ATAD3B: variants seen among roughly 807,000 people sequenced by gnomAD.
The protein encoded by ATAD3B is ATPase family AAA domain containing 3B.
In ATAD3B, 59 loss-of-function variants were observed where a neutral mutation model predicts 70.2. That is an observed-to-expected ratio of 0.84 (90% CI 0.68 to 1.04). ATAD3B has a LOEUF of 1.04. ATAD3B is among the 50% of genes least tolerant of loss of function. The probability of loss-of-function intolerance (pLI) is 0.00; values close to 1 mark genes in which losing one functional copy is unlikely to be tolerated. For missense variants in ATAD3B, 961 were observed against 913.4 expected (o/e 1.05, Z -0.67); for synonymous variants, 423 against 388.6 (o/e 1.09, Z -1.04).
At chr1:1,489,591 C>T (rs1570263793) in intron 13 of ATAD3B, 2 of 1,175,674 alleles carry the variant, frequency 1.7e-6, no homozygotes, top group East Asian at 3.6e-5. Flanking sequence ...ATTGCTGCCG[C>T]CCAGAGGTCC....
rs748583461 is a variant in ATAD3B at position 1,495,552 on chromosome 1, C to G, written c.1682C>G (p.Ala561Gly). 1 of 1,613,008 alleles carries G rather than the reference C, an allele frequency of 6.2e-7. No individual in the cohort carries two copies. Among genetic ancestry groups the G allele is most frequent in the African/African-American group, 1.3e-5 (1 of 74,924 alleles). The change falls in exon 16 of 16, where the codon GCT (alanine) becomes GGT (glycine). Residue 561 changes from alanine (A) to glycine (G), a missense_variant. Transcript: ENST00000673477. ...EAMMDACVQD[A>G]VQQYRQKMRW... The stretch of plus-strand genomic sequence containing the variant: ...ATGATGGACGCCTGTGTGCAAGATG[C>G]TGTCCAGCAGTACCGACAGAAGATG...
chr1:1,508,947 CG>C, the ATAD3B span, among the ~76,000 whole-genome samples: 2 of 151,122 alleles, frequency 1.3e-5, no homozygotes, highest in Non-Finnish European at 2.9e-5. Flanking sequence ...AGTGAGGCTC[CG>C]CCTTGGGCTT....
At chr1:1,472,764 G>A (rs1057255783) in intron 1 of ATAD3B, among the ~76,000 whole-genome samples, 1 of 152,022 alleles carries the variant, frequency 6.6e-6, no homozygotes, top group African/African-American at 2.4e-5. Flanking sequence ...TAGGAGTCTG[G>A]AACGTAGAAG....
downstream of ATAD3B, among the ~76,000 whole-genome samples, chr1:1,498,151 A>G (rs1052406200): frequency 6.6e-6 from 1 of 151,538 alleles, no homozygotes; most frequent in Non-Finnish European, 1.5e-5. Flanking sequence ...TAAAAATACG[A>G]AAGTTAGCCG....
chr1:1,486,938 C>T (rs1404882432), intron 11 of ATAD3B, among the ~76,000 whole-genome samples: 1 of 151,018 alleles, frequency 6.6e-6, no homozygotes, highest in Admixed American at 6.6e-5. Context: ...GGAGAGGGGT[C>T]TTCACAGCTG....
intron 10 of ATAD3B, 30 bp downstream of exon 10, chr1:1,486,265 A>G (rs770740944): frequency 1.2e-6 from 2 of 1,611,990 alleles, no homozygotes; most frequent in East Asian, 4.5e-5. Flanking sequence ...CAGGTGGGCC[A>G]GGGGCCGCTG....
At chr1:1,500,424 C>T (rs775110658), downstream of ATAD3B, among the ~76,000 whole-genome samples, 100 of 147,652 alleles carry the variant, frequency 6.8e-4, no homozygotes, top group East Asian at 2.1e-3. Flanking sequence ...TGGTGGCGGG[C>T]ACCTGTAGTC....
At position 1,485,046 on chromosome 1, in the gene ATAD3B, G is replaced by T. The variant is rs754568167; in HGVS notation, c.781G>T (p.Val261Phe). 6.2e-7 allele frequency: 1 copy of T among 1,604,826 alleles called. No homozygotes were observed. Among genetic ancestry groups the T allele is most frequent in the Non-Finnish European group, 8.5e-7 (1 of 1,177,174 alleles). ...TGGGCTGACGCTGCTGGCTGTCGGG[G>T]TCTACTCAGCCAAGAATGCGACAGC... ...VAGLTLLAVG[V>F]YSAKNATAVT... Residue 261 changes from valine to phenylalanine, a missense_variant, in exon 8 of 16, where the codon GTC (valine) becomes TTC (phenylalanine). This residue lies in a region of ATAD3B where 349 missense variants were observed against 307.5 expected (regional missense o/e 1.14). Coordinates refer to ENST00000673477, the MANE Select transcript of ATAD3B (RefSeq NM_031921.6).
chr1:1,494,802 C>G (rs892441217), intron 15 of ATAD3B, among the ~76,000 whole-genome samples: 4 of 152,020 alleles, frequency 2.6e-5, no homozygotes, highest in Non-Finnish European at 4.4e-5. Context: ...CTGGTGCACT[C>G]CTGAGCACGG....
chr1:1,491,737 G>A (rs1262254376), intron 15 of ATAD3B, among the ~76,000 whole-genome samples: 1 of 151,946 alleles, frequency 6.6e-6, no homozygotes, highest in African/African-American at 2.4e-5. Context: ...TTGAACGTAG[G>A]AGCCGGGGTA....
chr1:1,507,873 C>T, the ATAD3B span, among the ~76,000 whole-genome samples: 2 of 152,260 alleles, frequency 1.3e-5, no homozygotes, highest in African/African-American at 2.4e-5. Context: ...GCACAGAGAG[C>T]TCCCGGGCCT....
chr1:1,476,952 G>A (rs547159608), intron 1 of ATAD3B, among the ~76,000 whole-genome samples: 2 of 152,110 alleles, frequency 1.3e-5, no homozygotes, highest in East Asian at 3.9e-4. Flanking sequence ...GATCACAGGC[G>A]TGCACCACCA....
At position 1,495,460 on chromosome 1, in the gene ATAD3B, CCTCAG is replaced by C. The variant is rs1640735036; in HGVS notation, c.1615-21_1615-17del. On this transcript the variant is annotated intron_variant, in intron 15 of 15. Coordinates refer to ENST00000673477, the MANE Select transcript of ATAD3B (RefSeq NM_031921.6). ...GGTGGCGGGTTCCCATAGCGGCCTC[CCTCAG>C]CTCCCTCTCTCTTCACTAGGCCACG... The C allele has an allele frequency of 4.4e-6, 7 of 1,576,782 alleles. No homozygotes were observed. In the East Asian group the frequency reaches 1.6e-4, roughly 36 times the overall value.
downstream of ATAD3B, among the ~76,000 whole-genome samples, chr1:1,501,356 G>A (rs1197418028): frequency 1.3e-5 from 2 of 151,844 alleles, no homozygotes; most frequent in Admixed American, 6.6e-5. Flanking sequence ...CCGGGTTCAC[G>A]CCATTCTCCT....
rs759878865 is a variant in ATAD3B, at chr1:1,485,759, T to C, written c.907-23T>C. 39 of 1,610,488 alleles carry C rather than the reference T, an allele frequency of 2.4e-5. 2 individuals are homozygous for C. The highest frequency in any genetic ancestry group is 4.4e-5 in the South Asian group (4 of 90,774). On this transcript the variant is annotated intron_variant, in intron 8 of 15. Transcript: ENST00000673477. ...GTGGCTGTGGCAGGTGACCCAATGG[T>C]GCTTCCCCTTCCCCTCCGGCAGGTC...
Position 1,484,898 on chromosome 1 carries a change from A to G in ATAD3B, c.751-118A>G, listed in dbSNP as rs1002466315. The G allele has an allele frequency of 4.8e-4, 700 of 1,451,896 alleles. 7 individuals are homozygous for G. The highest frequency in any genetic ancestry group is 6.0e-4 in the Non-Finnish European group (651 of 1,092,960). The allele number at this position is 1,451,896 out of a possible 1,614,324, so 89.9% of individuals were successfully genotyped here. A position where few individuals can be genotyped will look rare whatever the true frequency, so the allele number is the denominator to read the frequency against. The stretch of plus-strand genomic sequence containing the variant: ...GAATTCGGGTTCCTGTGGGGCCAGC[A>G]CACGGCCCTGTGCTTCTCCCTCAGG... On this transcript the variant is annotated intron_variant, in intron 7 of 15. Transcript: ENST00000673477.
intron 1 of ATAD3B, among the ~76,000 whole-genome samples, chr1:1,476,916 C>T (rs1233483350): frequency 6.6e-6 from 1 of 152,060 alleles, no homozygotes; most frequent in Non-Finnish European, 1.5e-5. Context: ...CAGCAATTCT[C>T]CAGCCTTGGC....
chr1:1,475,510 G>A (rs984650719), intron 1 of ATAD3B, among the ~76,000 whole-genome samples: 10 of 151,894 alleles, frequency 6.6e-5, no homozygotes, highest in African/African-American at 2.2e-4. Context: ...GCAAACGGGC[G>A]GCTCCTCCTC....
intron 4 of ATAD3B, 50 bp from the exon 5 acceptor site, chr1:1,480,817 C>G: frequency 6.3e-7 from 1 of 1,593,534 alleles, no homozygotes; most frequent in Non-Finnish European, 8.5e-7. Flanking sequence ...TGGTGTTGAG[C>G]ATTTTTCTGG....
Sources: gnomAD v4.1 joint callset for allele counts (sites outside exome capture counted in the v4.1 genomes callset) on GRCh38, gnomAD v4.1.1 for gene constraint, gnomAD v4.1.1 regional missense constraint, MANE v1.5 for transcripts, NCBI Gene and HGNC (gene_info 2026-07-23, HGNC 2026-07-21) for gene names.